The following MAGI1 variants were observed in gnomAD, a reference collection of about 807,000 sequenced individuals.
MAGI1 encodes membrane associated guanylate kinase, WW and PDZ domain containing 1.
In MAGI1, 58 loss-of-function variants were observed where a neutral mutation model predicts 139.9. The ratio of observed to expected loss-of-function variants is 0.41; its 90% CI spans 0.34 to 0.52. The LOEUF is 0.52. Among genes scored for constraint, MAGI1 ranks in the 20% least tolerant of loss-of-function variants. MAGI1 has a pLI of 0.12. For missense variants in MAGI1, 1,874 were observed against 1,901.6 expected (o/e 0.99, Z 0.27); for synonymous variants, 812 against 737.9 (o/e 1.10, Z -1.63).
chr3:65,752,440 A>T (rs950273241), intron 1 of MAGI1, among the ~76,000 whole-genome samples: 2 of 152,230 alleles, frequency 1.3e-5, no homozygotes, highest in African/African-American at 4.8e-5. Flanking sequence ...TAACCAATCA[A>T]ATCAATGTAA....
intron 1 of MAGI1, among the ~76,000 whole-genome samples, chr3:65,763,020 C>T (rs549157496): frequency 2.0e-5 from 3 of 152,168 alleles, no homozygotes; most frequent in Non-Finnish European, 4.4e-5. Flanking sequence ...TGAACCATCA[C>T]TACTACTTTG....
chr3:65,807,657 T>TGACAATCAGCAA (rs2040948143), intron 1 of MAGI1, among the ~76,000 whole-genome samples: 1 of 152,134 alleles, frequency 6.6e-6, no homozygotes, highest in Non-Finnish European at 1.5e-5. Context: ...AACCGGCTAT[T>TGACAATCAGCAA]CCAAACAGAA....
chr3:65,733,769 T>TATTTCTTCC (rs1367508541), intron 1 of MAGI1, among the ~76,000 whole-genome samples: 1 of 152,344 alleles, frequency 6.6e-6, no homozygotes, highest in South Asian at 2.1e-4. Flanking sequence ...CCATCTAGGA[T>TATTTCTTCC]ATTTCTTCCT....
intron 2 of MAGI1, among the ~76,000 whole-genome samples, chr3:65,538,684 C>A (rs544381164): frequency 1.2e-4 from 19 of 152,098 alleles, no homozygotes; most frequent in Admixed American, 5.9e-4. Context: ...ATGCCATGCT[C>A]TCATCTAACC....
intron 1 of MAGI1, among the ~76,000 whole-genome samples, chr3:65,704,546 G>C (rs1435938960): frequency 6.6e-6 from 1 of 152,076 alleles, no homozygotes; most frequent in Admixed American, 6.6e-5. Context: ...AGATTATTTT[G>C]AATTGAAACT....
chr3:65,859,281 G>A (rs1388606788), intron 1 of MAGI1, among the ~76,000 whole-genome samples: 1 of 151,612 alleles, frequency 6.6e-6, no homozygotes, highest in African/African-American at 2.4e-5. Flanking sequence ...GTGACAAAGT[G>A]AGACTCCGTC....
At chr3:65,917,957 T>C (rs966937707) in intron 1 of MAGI1, among the ~76,000 whole-genome samples, 5 of 152,210 alleles carry the variant, frequency 3.3e-5, no homozygotes, top group African/African-American at 1.2e-4. Flanking sequence ...TGTAGGTTCA[T>C]CAATTGTAAC....
intron 10 of MAGI1, among the ~76,000 whole-genome samples, chr3:65,431,861 T>G (rs905824035): frequency 6.6e-6 from 1 of 151,426 alleles, no homozygotes; most frequent in Non-Finnish European, 1.5e-5. Context: ...GATGAGGTGG[T>G]GGATGCCTGT....
At chr3:65,711,662 T>G (rs915916674) in intron 1 of MAGI1, among the ~76,000 whole-genome samples, 1 of 152,122 alleles carries the variant, frequency 6.6e-6, no homozygotes, top group Non-Finnish European at 1.5e-5. Flanking sequence ...ACAATTGGTG[T>G]CCTGAGAAAA....
chr3:65,507,966 C>T (rs1050958071), intron 2 of MAGI1, among the ~76,000 whole-genome samples: 7 of 151,912 alleles, frequency 4.6e-5, no homozygotes, highest in Non-Finnish European at 1.0e-4. Context: ...TTGGAAAATG[C>T]AGACAGTGAG....
chr3:65,359,634 AACCC>A (rs1442327709), intron 22 of MAGI1: 3 of 992,350 alleles, frequency 3.0e-6, no homozygotes, highest in Non-Finnish European at 3.6e-6. Context: ...AACATATTAT[AACCC>A]ATTTGTGACT....
intron 2 of MAGI1, among the ~76,000 whole-genome samples, chr3:65,494,504 C>T (rs977934296): frequency 1.4e-4 from 21 of 152,222 alleles, no homozygotes; most frequent in African/African-American, 4.8e-4. Flanking sequence ...CAATTATGTA[C>T]CCTGTATTAG....
intron 2 of MAGI1, among the ~76,000 whole-genome samples, chr3:65,547,958 T>G (rs1171867326): frequency 6.6e-6 from 1 of 152,154 alleles, no homozygotes; most frequent in African/African-American, 2.4e-5. Flanking sequence ...GAAGAAAAGT[T>G]AAGAACAATG....
Position 65,440,798 on chromosome 3 carries a change from T to C in MAGI1, c.1137-786A>G, listed in dbSNP as rs1049504906. Among the ~76,000 whole-genome samples, 19 of 150,808 alleles carry C rather than the reference T, an allele frequency of 1.3e-4. 1 individual carries two copies. The highest frequency in any genetic ancestry group is 5.9e-5 in the Non-Finnish European group (4 of 67,784). ...AAAACTAATTATATATATACACATA[T>C]ATATGTATACATATGTATATGTGTA... On this transcript the variant is annotated intron_variant, in intron 8 of 22. Transcript: ENST00000402939.
chr3:65,727,429 T>C (rs1046419657), intron 1 of MAGI1, among the ~76,000 whole-genome samples: 1 of 152,194 alleles, frequency 6.6e-6, no homozygotes, highest in African/African-American at 2.4e-5. Flanking sequence ...GGGGTCTTGC[T>C]ATATTGCTCA....
At chr3:65,804,517 A>G (rs1257037244) in intron 1 of MAGI1, among the ~76,000 whole-genome samples, 1 of 152,066 alleles carries the variant, frequency 6.6e-6, no homozygotes, top group Non-Finnish European at 1.5e-5. Context: ...ATATACTGAT[A>G]TAAATTGATA....
At chr3:65,384,424 T>C (rs946428376) in intron 14 of MAGI1, among the ~76,000 whole-genome samples, 1 of 152,172 alleles carries the variant, frequency 6.6e-6, no homozygotes, top group African/African-American at 2.4e-5. Context: ...TTAGATGTCA[T>C]AAGTAATGTA....
At chr3:65,610,800 T>C (rs1404220188) in intron 2 of MAGI1, among the ~76,000 whole-genome samples, 3 of 118,530 alleles carry the variant, frequency 2.5e-5, no homozygotes, top group Non-Finnish European at 3.6e-5. Context: ...ATATAGTATA[T>C]ATAGGTATAT....
At chr3:65,962,007 G>C in intron 1 of MAGI1, among the ~76,000 whole-genome samples, 2 of 152,098 alleles carry the variant, frequency 1.3e-5, no homozygotes, top group South Asian at 2.1e-4. Flanking sequence ...GAAGTGACTG[G>C]GCATAGTCTT....
Sources: allele counts gnomAD v4.1 joint callset (sites outside exome capture counted in the v4.1 genomes callset), GRCh38; gene constraint gnomAD v4.1.1; transcripts MANE v1.5; gene names NCBI Gene and HGNC (gene_info 2026-07-23, HGNC 2026-07-21).